Variants in EIF4E3 observed in about 807,000 individuals in gnomAD.
EIF4E3 encodes the protein eukaryotic translation initiation factor 4E family member 3.
Under a neutral mutation model 31.7 loss-of-function variants are expected in EIF4E3, and 26 were observed. That is an observed-to-expected ratio of 0.82 (90% confidence interval 0.60 to 1.14). The LOEUF (loss-of-function observed/expected upper bound fraction) is 1.14, where lower values mean the gene tolerates loss of function less well. Among genes scored for constraint, EIF4E3 ranks in the 50% most tolerant of loss-of-function variants. The pLI, the probability that EIF4E3 is intolerant of heterozygous loss-of-function variation, is 0.00. For missense variants in EIF4E3, 304 were observed against 270.9 expected, an observed-to-expected ratio of 1.12 and a Z score of -0.86; for synonymous variants, 128 against 107.7, an observed-to-expected ratio of 1.19 and a Z score of -1.17.
the EIF4E3 span, among the ~76,000 whole-genome samples, chr3:71,664,733 G>A: frequency 1.3e-5 from 2 of 152,118 alleles, no homozygotes; most frequent in Non-Finnish European, 2.9e-5. Context: ...AAAGTAGCTG[G>A]GTGTGGTGGT....
downstream of EIF4E3, among the ~76,000 whole-genome samples, chr3:71,671,866 A>G (rs549996061): frequency 3.9e-5 from 6 of 151,932 alleles, no homozygotes; most frequent in Non-Finnish European, 4.4e-5. Context: ...CAGTCAGGGG[A>G]CCATATTTTG....
intron 1 of EIF4E3, among the ~76,000 whole-genome samples, chr3:71,714,941 C>G (rs1378223306): frequency 1.3e-5 from 2 of 152,212 alleles, no homozygotes; most frequent in Non-Finnish European, 2.9e-5. Context: ...TTACTGGTAT[C>G]ACACATACAG....
In EIF4E3 at chr3:71,678,184, G is replaced by C. The variant is rs1446255852; in HGVS notation, c.*6498C>G. 1 of 152,208 alleles carries C rather than the reference G, an allele frequency of 6.6e-6. No homozygotes were observed. The highest frequency in any genetic ancestry group is 1.5e-5 in the Non-Finnish European group (1 of 68,030). The allele number at this position is 152,208 out of a possible 1,614,324, so 9.4% of individuals were successfully genotyped here. ...ACACTGGAAATCTAATAATGATTAA[G>C]TGATGTGGTTGATTAAACTGCATGA... On this transcript the variant is annotated 3_prime_UTR_variant, in exon 7 of 7. Coordinates refer to ENST00000425534, the MANE Select transcript of EIF4E3 (RefSeq NM_001134651.2).
At chr3:71,731,599 C>T (rs2049707303) in intron 1 of EIF4E3, among the ~76,000 whole-genome samples, 1 of 152,208 alleles carries the variant, frequency 6.6e-6, no homozygotes, top group Non-Finnish European at 1.5e-5. Flanking sequence ...GCTGGCACAC[C>T]AGCAACATTT....
chr3:71,721,121 G>C (rs2049541416), intron 1 of EIF4E3, among the ~76,000 whole-genome samples: 1 of 152,216 alleles, frequency 6.6e-6, no homozygotes, highest in South Asian at 2.1e-4. Context: ...CATGTGTCCA[G>C]AACTCCGAAG....
At chr3:71,721,949 G>A (rs915690564) in intron 1 of EIF4E3, among the ~76,000 whole-genome samples, 2 of 152,104 alleles carry the variant, frequency 1.3e-5, no homozygotes, top group African/African-American at 4.8e-5. Context: ...GTCCCTGCTT[G>A]GGATGAAGGC....
downstream of EIF4E3, among the ~76,000 whole-genome samples, chr3:71,673,090 G>A (rs1349883802): frequency 6.6e-6 from 1 of 152,184 alleles, no homozygotes; most frequent in Non-Finnish European, 1.5e-5. Flanking sequence ...CATTTATGAT[G>A]CTCTGGGCTT....
At chr3:71,659,568 G>A in the EIF4E3 span, among the ~76,000 whole-genome samples, 2 of 152,158 alleles carry the variant, frequency 1.3e-5, no homozygotes, top group African/African-American at 2.4e-5. Flanking sequence ...TGAACTCTGA[G>A]GATAGGGGTG....
chr3:71,741,238 T>C (rs1216943134), intron 1 of EIF4E3, among the ~76,000 whole-genome samples: 6 of 151,652 alleles, frequency 4.0e-5, no homozygotes, highest in South Asian at 2.1e-4. Flanking sequence ...CAGGCATAGA[T>C]TGTAAGCAAA....
intron 1 of EIF4E3, 100 bp from the exon 2 acceptor site, chr3:71,710,584 G>T: frequency 8.3e-7 from 1 of 1,201,086 alleles, no homozygotes; most frequent in Non-Finnish European, 1.2e-6. Flanking sequence ...TAAAAATCAG[G>T]TCTCAAACCA....
At chr3:71,754,581 G>C (rs946014524), upstream of EIF4E3, 1 of 1,407,104 alleles carries the variant, frequency 7.1e-7, no homozygotes, top group Admixed American at 2.7e-5. The surrounding 1 kb of genome is among the most constrained non-coding windows in gnomAD (Gnocchi z 5.8). Context: ...GCAGCGGCCC[G>C]ACGGCGCCCC....
At chr3:71,746,695 AT>A (rs1158539700) in intron 1 of EIF4E3, among the ~76,000 whole-genome samples, 1 of 152,206 alleles carries the variant, frequency 6.6e-6, no homozygotes, top group African/African-American at 2.4e-5. Flanking sequence ...TTCTTATGAT[AT>A]CCACAGAGTT....
At chr3:71,685,322 G>A (rs1013093610) in intron 6 of EIF4E3, among the ~76,000 whole-genome samples, 3 of 152,046 alleles carry the variant, frequency 2.0e-5, no homozygotes, top group African/African-American at 7.2e-5. Flanking sequence ...CCTATCATCT[G>A]GCTTGCAAAA....
intron 1 of EIF4E3, among the ~76,000 whole-genome samples, chr3:71,745,230 A>G (rs2049859594): frequency 6.6e-6 from 1 of 152,226 alleles, no homozygotes; most frequent in African/African-American, 2.4e-5. Context: ...AACCCAATGC[A>G]AAGCTTGGTG....
At chr3:71,752,606 T>G (rs752772873) in intron 1 of EIF4E3, among the ~76,000 whole-genome samples, 3 of 152,350 alleles carry the variant, frequency 2.0e-5, no homozygotes, top group Non-Finnish European at 2.9e-5. Flanking sequence ...ATTCTGGCTT[T>G]ACCATGCTAA....
Position 71,684,085 on chromosome 3 carries a change from T to C in EIF4E3, c.*597A>G, listed in dbSNP as rs1559586690. 6.6e-6 allele frequency: 1 copy of C among 152,574 alleles called. No individual in the cohort carries two copies. Among genetic ancestry groups the C allele is most frequent in the Non-Finnish European group, 1.5e-5 (1 of 68,016 alleles). The allele number at this position is 152,574 out of a possible 1,614,324, so 9.5% of individuals were successfully genotyped here. A position where few individuals can be genotyped will look rare whatever the true frequency, so the allele number is the denominator to read the frequency against. On this transcript the variant is annotated 3_prime_UTR_variant, in exon 7 of 7. Coordinates refer to ENST00000425534, the MANE Select transcript of EIF4E3 (RefSeq NM_001134651.2). ...AAAAAAATGTTTTAAAAAGGAAAAT[T>C]AAAGATTTGTGTGCTGTCAGTGCAA...
chr3:71,660,230 A>C, the EIF4E3 span, among the ~76,000 whole-genome samples: 38 of 152,232 alleles, frequency 2.5e-4, no homozygotes, highest in Middle Eastern at 6.8e-3. Flanking sequence ...ATCCTGTCTG[A>C]ATCGGCTGGA....
At chr3:71,714,488 A>G (rs1559602748) in intron 1 of EIF4E3, among the ~76,000 whole-genome samples, 1 of 152,138 alleles carries the variant, frequency 6.6e-6, no homozygotes, top group Non-Finnish European at 1.5e-5. Context: ...CAAAGTAACA[A>G]AATAGTGATG....
intron 1 of EIF4E3, among the ~76,000 whole-genome samples, chr3:71,747,288 C>G (rs565315939): frequency 6.6e-6 from 1 of 152,314 alleles, no homozygotes; most frequent in South Asian, 2.1e-4. Context: ...ATCACCAACA[C>G]CTGTTATCAT....
Sources: gnomAD v4.1 joint callset for allele counts (sites outside exome capture counted in the v4.1 genomes callset) on GRCh38, gnomAD v4.1.1 for gene constraint, Gnocchi (gnomAD v3.1) non-coding constraint, MANE v1.5 for transcripts, NCBI Gene and HGNC (gene_info 2026-07-23, HGNC 2026-07-21) for gene names.